The following RAB44 variants were observed in gnomAD, a reference collection of about 807,000 sequenced individuals.
The protein encoded by RAB44 is RAB44, member RAS oncogene family.
A neutral mutation model predicts 93.3 loss-of-function variants in RAB44; 67 were observed. The ratio of observed to expected loss-of-function variants is 0.72; its 90% CI spans 0.59 to 0.88. The LOEUF (loss-of-function observed/expected upper bound fraction) is 0.88, where lower values mean the gene tolerates loss of function less well. RAB44 is among the 40% of genes least tolerant of loss of function. RAB44 has a pLI of 0.00. For missense variants in RAB44, 1,064 were observed against 1,261.7 expected (o/e 0.84, Z 2.37); for synonymous variants, 427 against 520.3 (o/e 0.82, Z 2.44).
rs1763372511 is a variant in RAB44, at chr6:36,731,915, C to T, written c.2976-88C>T. 1.2e-6 allele frequency: 1 copy of T among 823,398 alleles called. No individual in the cohort carries two copies. Among genetic ancestry groups the T allele is most frequent in the Non-Finnish European group, 1.6e-6 (1 of 615,650 alleles). The allele number at this position is 823,398 out of a possible 1,614,324, so 51.0% of individuals were successfully genotyped here. On this transcript the variant is annotated intron_variant, in intron 13 of 13. Coordinates refer to ENST00000612677, the MANE Select transcript of RAB44 (RefSeq NM_001257357.2). The surrounding 1 kb of genome is among the most constrained non-coding windows in gnomAD (Gnocchi z 4.0). ...GCTGTTGTGGGGGTTGTGGGTGCGG[C>T]CTCCCACCCCCCAGCTGCACCCATG...
At chr6:36,699,006 A>T (rs192978891) in intron 1 of RAB44, among the ~76,000 whole-genome samples, 16 of 152,146 alleles carry the variant, frequency 1.1e-4, no homozygotes, top group African/African-American at 3.1e-4. Flanking sequence ...GCTGTCAGGG[A>T]TCTGAATGTG....
At chr6:36,720,667 T>G (rs1763051908) in intron 8 of RAB44, 117 bp downstream of exon 8, 1 of 802,316 alleles carries the variant, frequency 1.2e-6, no homozygotes. Flanking sequence ...GACTCCTTCC[T>G]TAAACCCCAC....
At position 36,704,235 on chromosome 6, in the gene RAB44, C is replaced by T; in HGVS notation, c.-1C>T. The T allele has an allele frequency of 6.5e-7, 1 of 1,535,916 alleles. No individual in the cohort carries two copies. Among genetic ancestry groups the T allele is most frequent in the Non-Finnish European group, 8.7e-7 (1 of 1,146,762 alleles). ...TCCTCTGTCCCCAGGGCCAACGCAC[C>T]ATGGAGACTGGACAGAGAACATCTC... On this transcript the variant is annotated 5_prime_UTR_variant, in exon 2 of 14. Transcript: ENST00000612677.
At chr6:36,705,617 A>G (rs548420913) in intron 2 of RAB44, among the ~76,000 whole-genome samples, 1 of 152,092 alleles carries the variant, frequency 6.6e-6, no homozygotes, top group African/African-American at 2.4e-5. Flanking sequence ...TCCTGACTTC[A>G]GGTGATCCAC....
At position 36,730,706 on chromosome 6, in the gene RAB44, G is replaced by T. The variant is rs114457485; in HGVS notation, c.2932G>T (p.Ala978Ser). Residue 978 changes from alanine (A) to serine (S), a missense_variant, in exon 13 of 14, where the codon GCC becomes TCC. Ala to Ser is a moderately conservative substitution (Grantham distance 99). Transcript: ENST00000612677. ...GGTCTATTTTGGGGAGTGCAGTGCC[G>T]CCTTGGGTCACAACATCCTGGAGCC... ...LGVYFGECSA[A>S]LGHNILEPVV... The T allele has an allele frequency of 6.5e-6, 8 of 1,234,220 alleles. No individual in the cohort carries two copies. Among genetic ancestry groups the T allele is most frequent in the Non-Finnish European group, 8.1e-6 (8 of 988,270 alleles). The allele number at this position is 1,234,220 out of a possible 1,614,324, so 76.5% of individuals were successfully genotyped here.
chr6:36,700,858 C>T (rs939841741), intron 1 of RAB44, among the ~76,000 whole-genome samples: 4 of 152,190 alleles, frequency 2.6e-5, no homozygotes, highest in African/African-American at 9.7e-5. Context: ...GGGTCATAGG[C>T]CCATGGAGGG....
chr6:36,704,004 G>A (rs1177388580), intron 1 of RAB44, among the ~76,000 whole-genome samples: 4 of 152,214 alleles, frequency 2.6e-5, no homozygotes, highest in Admixed American at 2.6e-4. Flanking sequence ...ATTCCAGGTA[G>A]AGGGAACTTA....
At chr6:36,721,061 G>A in intron 8 of RAB44, 90 bp from the exon 9 acceptor site, 1 of 1,175,926 alleles carries the variant, frequency 8.5e-7, no homozygotes, top group Non-Finnish European at 1.1e-6. Context: ...GCCATGGGGA[G>A]AGCAAGGGAT....
At chr6:36,727,813 C>A in intron 11 of RAB44, 122 bp downstream of exon 11, 1 of 695,552 alleles carries the variant, frequency 1.4e-6, no homozygotes, top group Non-Finnish European at 2.6e-6. Flanking sequence ...GGTGACACCA[C>A]CCACTGAGGG....
In RAB44 at chr6:36,704,221, C is replaced by T. The variant is rs1043278319; in HGVS notation, c.-12-3C>T. 3.9e-6 allele frequency: 6 copies of T among 1,534,520 alleles called. No homozygotes were observed. The highest frequency in any genetic ancestry group is 2.0e-5 in the Admixed American group (1 of 50,964). ...CCGGTGCCCCTCACTCCTCTGTCCC[C>T]AGGGCCAACGCACCATGGAGACTGG... is the stretch of plus-strand genomic sequence containing the variant. On this transcript the variant is annotated splice_polypyrimidine_tract_variant and splice_region_variant and intron_variant, in intron 1 of 13. Coordinates refer to ENST00000612677, the MANE Select transcript of RAB44 (RefSeq NM_001257357.2).
At position 36,727,633 on chromosome 6, in the gene RAB44, A is replaced by G; in HGVS notation, c.2738A>G (p.Tyr913Cys). The G allele has an allele frequency of 6.4e-7, 1 of 1,550,576 alleles. No individual in the cohort carries two copies. The highest frequency in any genetic ancestry group is 8.7e-7 in the Non-Finnish European group (1 of 1,146,978). ...LRKADGVVLM[Y>C]DITSQESFAH... ...AAGGCTGACGGGGTGGTGCTCATGT[A>G]CGACATCACCTCCCAGGAGAGCTTT... is the stretch of plus-strand genomic sequence containing the variant. The change falls in exon 11 of 14, where the codon TAC becomes TGC. Residue 913 changes from tyrosine (Y) to cysteine (C), a missense_variant. Tyr to Cys is a radical substitution (Grantham distance 194). Transcript: ENST00000612677.
At position 36,732,328 on chromosome 6, in the gene RAB44, T is replaced by G; in HGVS notation, c.*235T>G. ...GAGGGGCAGGGGTATGGCAAAACTC[T>G]CCAAACAAAGAAAGTCTAGAAAAAC... On this transcript the variant is annotated 3_prime_UTR_variant, in exon 14 of 14. Coordinates refer to ENST00000612677, the MANE Select transcript of RAB44 (RefSeq NM_001257357.2). 1 of 281,282 alleles carries G rather than the reference T, an allele frequency of 3.6e-6. No individual in the cohort carries two copies. 17.4% of individuals were successfully genotyped at this position (281,282 alleles called of 1,614,324 possible).
At position 36,721,785 on chromosome 6, in the gene RAB44, G is replaced by T; in HGVS notation, c.1651G>T (p.Glu551Ter). The change falls in exon 9 of 14, where the codon GAA (glutamate) becomes TAA (stop). Residue 551 changes from glutamate to a stop codon, truncating the protein, a stop_gained. Transcript: ENST00000612677. LOFTEE classifies it high-confidence loss of function. Reference protein sequence around the residue: ...AQPGAGAGPQEPTQTPPTMTE... With the variant: ...AQPGAGAGPQ Reference sequence around the variant, plus strand: ...GCCTGGGGCTGGAGCAGGACCCCAGGAACCCACACAAACCCCTCCCACCAT... The same window carrying T: ...GCCTGGGGCTGGAGCAGGACCCCAGTAACCCACACAAACCCCTCCCACCAT... 4 of 1,234,530 alleles carry T rather than the reference G, an allele frequency of 3.2e-6. No homozygotes were observed. Among genetic ancestry groups the T allele is most frequent in the Non-Finnish European group, 4.0e-6 (4 of 988,396 alleles). 76.5% of individuals were successfully genotyped at this position (1,234,530 alleles called of 1,614,324 possible).
rs371769608 is a variant in RAB44, at chr6:36,715,670, A to C, written c.494+17A>C. 1 of 1,534,928 alleles carries C rather than the reference A, an allele frequency of 6.5e-7. No homozygotes were observed. The highest frequency in any genetic ancestry group is 1.4e-5 in the African/African-American group (1 of 73,036). On this transcript the variant is annotated intron_variant, in intron 4 of 13. Transcript: ENST00000612677. ...ACTTCCCAAGTAAGGCCAGGGCGGC[A>C]TGTGCATGGGGAGAGGCTCTGCCAG...
chr6:36,732,237 G>A lies in RAB44; in HGVS notation c.*144G>A. On this transcript the variant is annotated 3_prime_UTR_variant, in exon 14 of 14. Transcript: ENST00000612677. ...TTCTCAACTCAGGACTCGGATCCCA[G>A]AGCAGGGCCGCATCACCTCTGCCTT... 4.6e-6 allele frequency: 2 copies of A among 434,554 alleles called. No homozygotes were observed. Among genetic ancestry groups the A allele is most frequent in the Non-Finnish European group, 7.7e-6 (2 of 260,240 alleles). 26.9% of individuals were successfully genotyped at this position (434,554 alleles called of 1,614,324 possible). A position where few individuals can be genotyped will look rare whatever the true frequency, so the allele number is the denominator to read the frequency against.
At chr6:36,713,145 G>A (rs1284576568) in intron 2 of RAB44, among the ~76,000 whole-genome samples, 1 of 152,148 alleles carries the variant, frequency 6.6e-6, no homozygotes, top group East Asian at 1.9e-4. Context: ...ATGACCTGTA[G>A]GCCATGATAT....
intron 8 of RAB44, among the ~76,000 whole-genome samples, chr6:36,720,927 G>A (rs1182938480): frequency 6.6e-6 from 1 of 152,198 alleles, no homozygotes; most frequent in Non-Finnish European, 1.5e-5. Flanking sequence ...ATCAAGGAAG[G>A]CTTCCTGGAG....
At chr6:36,714,226 T>C (rs889406353) in intron 3 of RAB44, among the ~76,000 whole-genome samples, 1 of 152,176 alleles carries the variant, frequency 6.6e-6, no homozygotes, top group African/African-American at 2.4e-5. Context: ...GAGAGTAACA[T>C]TGTGGCTTTG....
In RAB44 at chr6:36,717,223, T is replaced by A; in HGVS notation, c.495-50T>A. 1 of 1,231,514 alleles carries A rather than the reference T, an allele frequency of 8.1e-7. No homozygotes were observed. The highest frequency in any genetic ancestry group is 1.0e-6 in the Non-Finnish European group (1 of 987,556). 76.3% of individuals were successfully genotyped at this position (1,231,514 alleles called of 1,614,324 possible). On this transcript the variant is annotated intron_variant, in intron 4 of 13. Coordinates refer to ENST00000612677, the MANE Select transcript of RAB44 (RefSeq NM_001257357.2). The surrounding 1 kb of genome is among the most constrained non-coding windows in gnomAD (Gnocchi z 4.1). Reference sequence around the variant, plus strand: ...GAGTGGGGCTCCCCTTGCTTCTCCATCCCACCTTGTGTCTGACCCTCCCAT... The same window carrying A: ...GAGTGGGGCTCCCCTTGCTTCTCCAACCCACCTTGTGTCTGACCCTCCCAT...
Sources: allele counts gnomAD v4.1 joint callset (sites outside exome capture counted in the v4.1 genomes callset), GRCh38; gene constraint gnomAD v4.1.1; non-coding constraint Gnocchi (gnomAD v3.1); transcripts MANE v1.5; gene names NCBI Gene and HGNC (gene_info 2026-07-23, HGNC 2026-07-21).